Variants in DNAH12 observed in about 807,000 individuals in gnomAD.
DNAH12 encodes the protein axonemal beta dynein heavy chain 12.
DNAH12 carries 285 observed loss-of-function variants against 371.5 expected under a neutral mutation model. The observed-to-expected ratio is 0.77, with a 90% confidence interval of 0.70 to 0.85. DNAH12 has a LOEUF of 0.85. DNAH12 is among the 40% of genes least tolerant of loss of function. DNAH12 has a pLI of 0.00. For synonymous variants in DNAH12, 1,200 were observed against 1,213.0 expected, an observed-to-expected ratio of 0.99 and a Z score of 0.22; for missense variants, 3,611 against 3,689.4, an observed-to-expected ratio of 0.98 and a Z score of 0.55.
chr3:57,513,015 T>C (rs2153394766), intron 4 of DNAH12, among the ~76,000 whole-genome samples: 1 of 152,140 alleles, frequency 6.6e-6, no homozygotes, highest in Admixed American at 6.6e-5. Context: ...GGCAGGCACC[T>C]GTAATTCCAG....
chr3:57,383,454 G>A (rs2063437220), intron 49 of DNAH12, among the ~76,000 whole-genome samples: 1 of 151,600 alleles, frequency 6.6e-6, no homozygotes, highest in Non-Finnish European at 1.5e-5. Context: ...ATAGGGAGAA[G>A]TTACTTAAAT....
In DNAH12 at chr3:57,293,840, G is replaced by A. The variant is rs1285573447; in HGVS notation, c.11824C>T (p.Gln3942Ter). 3 of 1,549,308 alleles carry A rather than the reference G, an allele frequency of 1.9e-6. No individual in the cohort carries two copies. In the African/African-American group the frequency reaches 4.1e-5, roughly 21 times the overall value. The change falls in exon 74 of 74, where the codon CAA (glutamine) becomes TAA (stop). Residue 3942 changes from glutamine to a stop codon, truncating the protein, a stop_gained. Transcript: ENST00000495027. LOFTEE classifies it high-confidence loss of function. Reference protein sequence around the residue: ...FVIAMLLKTDQPTRHWIKRGV... With the variant: ...FVIAMLLKTD Reference sequence around the variant, plus strand: ...CGCTTGATCCAGTGCCGAGTAGGTTGGTCTGTTTTTAACAACATTGCAATG... The same window carrying A: ...CGCTTGATCCAGTGCCGAGTAGGTTAGTCTGTTTTTAACAACATTGCAATG...
Position 57,453,218 on chromosome 3 carries a change from C to T in DNAH12, c.3613+29G>A, listed in dbSNP as rs780700839. 4 of 1,512,468 alleles carry T rather than the reference C, an allele frequency of 2.6e-6. No individual in the cohort carries two copies. In the African/African-American group the frequency reaches 5.6e-5, roughly 21 times the overall value. 93.7% of individuals were successfully genotyped at this position (1,512,468 alleles called of 1,614,324 possible). A position where few individuals can be genotyped will look rare whatever the true frequency, so the allele number is the denominator to read the frequency against. On this transcript the variant is annotated intron_variant, in intron 24 of 73. Coordinates refer to ENST00000495027, the MANE Select transcript of DNAH12 (RefSeq NM_001366028.2). ...TTTCCAGATGCTATCAACATTTTAT[C>T]TTTAAAAATTAAAGAAAAAGTCACA... is the stretch of plus-strand genomic sequence containing the variant.
intron 49 of DNAH12, among the ~76,000 whole-genome samples, 191 bp downstream of exon 49, chr3:57,384,638 T>C (rs976293479): frequency 1.4e-4 from 21 of 152,078 alleles, no homozygotes; most frequent in African/African-American, 4.1e-4. Flanking sequence ...AGTGAGACTC[T>C]GTCTCAAAAA....
intron 12 of DNAH12, among the ~76,000 whole-genome samples, chr3:57,487,212 G>C (rs1033307143): frequency 4.0e-5 from 6 of 151,212 alleles, no homozygotes; most frequent in South Asian, 4.2e-4. Context: ...GAGGAGGGAG[G>C]ATCACTTGAG....
chr3:57,400,558 TTAA>T (rs2063836317), intron 43 of DNAH12, among the ~76,000 whole-genome samples: 1 of 152,150 alleles, frequency 6.6e-6, no homozygotes. Context: ...TATGATTAGA[TTAA>T]TTAATAAATT....
rs2063297297 is a variant in DNAH12, at chr3:57,377,166, T to C, written c.8280A>G (p.Thr2760=). The C allele has an allele frequency of 6.6e-6, 1 of 152,186 alleles. No homozygotes were observed. The highest frequency in any genetic ancestry group is 2.1e-4 in the South Asian group (1 of 4,828). 9.4% of individuals were successfully genotyped at this position (152,186 alleles called of 1,614,324 possible). ...CTCTCTTCTGATTCAAAAGCTCCAT[T>C]GTCTCAGCTAAAGACTTCTGAGCTT... The part of the protein sequence containing the change: ...LSEAQKSLAE[T]MELLNQKRAE... The change falls in exon 53 of 74, where the codon ACA becomes ACG. Residue 2760 remains threonine (T), a synonymous_variant. Transcript: ENST00000495027.
At chr3:57,438,918 C>A (rs112007601) in intron 29 of DNAH12, among the ~76,000 whole-genome samples, 157 of 94,446 alleles carry the variant, frequency 1.7e-3, no homozygotes, top group African/African-American at 2.4e-3. Context: ...CTGTCTCAGA[C>A]AAAAAAAAAA....
rs768151756 is a variant in DNAH12 at position 57,508,388 on chromosome 3, C to G, written c.695G>C (p.Gly232Ala). Reference sequence around the variant, plus strand: ...AAATTAAACGGGATTTTACCTAATTCCTGTGAAGTCCAACAAAACTGTATC... The same window carrying G: ...AAATTAAACGGGATTTTACCTAATTGCTGTGAAGTCCAACAAAACTGTATC... ...FADTVLLDFT[G>A]IRAKGPIDCE... The change falls in exon 7 of 74, where the codon GGA (glycine) becomes GCA (alanine). Residue 232 changes from glycine (G) to alanine (A), a missense_variant. This residue lies in a region of DNAH12 where 1,314 missense variants were observed against 1,398.7 expected (regional missense o/e 0.94). Transcript: ENST00000495027. The G allele has an allele frequency of 6.3e-7, 1 of 1,599,346 alleles. No individual in the cohort carries two copies. Among genetic ancestry groups the G allele is most frequent in the South Asian group, 1.1e-5 (1 of 87,840 alleles).
intron 39 of DNAH12, among the ~76,000 whole-genome samples, chr3:57,411,386 G>A (rs566058871): frequency 1.5e-4 from 23 of 151,394 alleles, no homozygotes; most frequent in Non-Finnish European, 2.7e-4. Context: ...AAATTAGTTG[G>A]GCATGGTGGC....
chr3:57,554,388 C>A, the DNAH12 span, among the ~76,000 whole-genome samples: 2 of 151,980 alleles, frequency 1.3e-5, no homozygotes, highest in South Asian at 4.2e-4. Context: ...TTAGCTTTTC[C>A]CCTTTCAAGA....
At chr3:57,547,186 A>G (rs1316324436), upstream of DNAH12, among the ~76,000 whole-genome samples, 1 of 134,088 alleles carries the variant, frequency 7.5e-6, no homozygotes, top group African/African-American at 2.9e-5. Flanking sequence ...ATATATATAT[A>G]TGTATAGACA....
At position 57,433,794 on chromosome 3, in the gene DNAH12, T is replaced by C. The variant is rs1216690167; in HGVS notation, c.4690A>G (p.Thr1564Ala). 1 of 1,547,978 alleles carries C rather than the reference T, an allele frequency of 6.5e-7. No individual in the cohort carries two copies. Among genetic ancestry groups the C allele is most frequent in the Non-Finnish European group, 8.7e-7 (1 of 1,146,030 alleles). The change falls in exon 31 of 74, where the codon ACA (threonine) becomes GCA (alanine). Residue 1564 changes from threonine to alanine, a missense_variant. This residue lies in a region of DNAH12 where 2,266 missense variants were observed against 2,236.9 expected (regional missense o/e 1.01). Transcript: ENST00000495027. The stretch of plus-strand genomic sequence containing the variant: ...TCCGCCAGCACATGCAGAACTTTTG[T>C]CTTAGCAGCAAAAGGCTCTCCTACT... ...MLVGEPFAAK[T>A]KVLHVLADTL... is the part of the protein sequence containing the mutation.
At chr3:57,315,143 G>T (rs979185688) in intron 65 of DNAH12, among the ~76,000 whole-genome samples, 1 of 151,972 alleles carries the variant, frequency 6.6e-6, no homozygotes, top group Non-Finnish European at 1.5e-5. Context: ...CATGTCACAT[G>T]GGCTTCTCAA....
At chr3:57,513,759 G>A (rs2068084490) in intron 4 of DNAH12, among the ~76,000 whole-genome samples, 1 of 152,096 alleles carries the variant, frequency 6.6e-6, no homozygotes, top group Non-Finnish European at 1.5e-5. Context: ...GATACCATCT[G>A]TCACATATCA....
intron 32 of DNAH12, among the ~76,000 whole-genome samples, chr3:57,430,740 T>C (rs1362965374): frequency 1.3e-5 from 2 of 152,182 alleles, no homozygotes; most frequent in African/African-American, 4.8e-5. Context: ...TAGTTTTCAG[T>C]GTTTCCTTTC....
chr3:57,542,161 G>A lies in DNAH12; in HGVS notation c.170+540C>T, dbSNP rs922592185. Among the ~76,000 whole-genome samples the A allele has an allele frequency of 2.3e-4, 30 of 130,218 alleles. No individual in the cohort carries two copies. In the East Asian group the frequency reaches 4.7e-3, roughly 20 times the overall value. The allele number at this position is 130,218 out of a possible 152,430, so 85.4% of individuals were successfully genotyped here. The stretch of plus-strand genomic sequence containing the variant: ...GTTTTAATTTCCACTAAACTGGGGG[G>A]GGGGGGGGCGGTGAGTAGGATGTTG... On this transcript the variant is annotated intron_variant, in intron 2 of 73. Transcript: ENST00000495027.
chr3:57,401,393 C>CA (rs1172591337), intron 43 of DNAH12, among the ~76,000 whole-genome samples: 2,254 of 120,038 alleles, frequency 0.019, 29 homozygotes, highest in Non-Finnish European at 0.027. Flanking sequence ...TACTAAAATA[C>CA]AAAAAAAAAA....
Position 57,462,768 on chromosome 3 carries a change from A to T in DNAH12, c.2457T>A (p.Thr819=), listed in dbSNP as rs1429753981. The change falls in exon 18 of 74, where the codon ACT becomes ACA. Residue 819 remains threonine, a synonymous_variant. Coordinates refer to ENST00000495027, the MANE Select transcript of DNAH12 (RefSeq NM_001366028.2). ...VGYDLTPDSG[T]TLRKVLKLNL... is the part of the protein sequence containing the mutation. The stretch of plus-strand genomic sequence containing the variant: ...TTAATTTTAAAACTTTTCTCAGTGT[A>T]GTTCCAGAGTCTGGAGTCAAGTCAT... 6.4e-7 allele frequency: 1 copy of T among 1,551,594 alleles called. No individual in the cohort carries two copies. The highest frequency in any genetic ancestry group is 8.7e-7 in the Non-Finnish European group (1 of 1,146,928).
Sources: allele counts gnomAD v4.1 joint callset (sites outside exome capture counted in the v4.1 genomes callset), GRCh38; gene constraint gnomAD v4.1.1; regional missense constraint gnomAD v4.1.1; transcripts MANE v1.5; gene names NCBI Gene and HGNC (gene_info 2026-07-23, HGNC 2026-07-21).